The following OSBP2 variants were observed in gnomAD, a reference collection of about 807,000 sequenced individuals.
OSBP2 encodes the protein oxysterol-binding protein 2.
In OSBP2, 66 loss-of-function variants were observed where a neutral mutation model predicts 96.0. The observed-to-expected ratio is 0.69, with a 90% CI of 0.56 to 0.84. OSBP2 has a LOEUF of 0.84. Ranked by LOEUF, OSBP2 falls within the 40% of genes least tolerant of loss-of-function variation. OSBP2 has a pLI of 0.00. For synonymous variants in OSBP2, 525 were observed against 520.9 expected, an observed-to-expected ratio of 1.01 and a Z score of -0.11; for missense variants, 1,038 against 1,222.7, an observed-to-expected ratio of 0.85 and a Z score of 2.25.
intron 2 of OSBP2, among the ~76,000 whole-genome samples, chr22:30,814,535 G>T (rs2146965035): frequency 6.6e-6 from 1 of 151,294 alleles, no homozygotes; most frequent in Non-Finnish European, 1.5e-5. Flanking sequence ...GGGTTCAAGT[G>T]ATTCTGGTGC....
intron 12 of OSBP2, chr22:30,902,557 G>A (rs2040237699): frequency 4.4e-6 from 5 of 1,130,488 alleles, no homozygotes; most frequent in Non-Finnish European, 5.3e-6. Flanking sequence ...CCAGGTGACT[G>A]GGAAACAGGC....
intron 2 of OSBP2, among the ~76,000 whole-genome samples, chr22:30,858,528 C>T (rs2076431795): frequency 6.6e-6 from 1 of 151,950 alleles, no homozygotes; most frequent in Non-Finnish European, 1.5e-5. Context: ...CTTCCTAACC[C>T]CACAGCACCC....
At chr22:30,755,952 A>G (rs920508762) in intron 2 of OSBP2, among the ~76,000 whole-genome samples, 2 of 152,140 alleles carry the variant, frequency 1.3e-5, no homozygotes, top group African/African-American at 4.8e-5. Flanking sequence ...CCTGGTCGGC[A>G]TGCTCTTGCA....
At chr22:30,777,696 C>T (rs1381097373) in intron 2 of OSBP2, among the ~76,000 whole-genome samples, 1 of 152,184 alleles carries the variant, frequency 6.6e-6, no homozygotes, top group Non-Finnish European at 1.5e-5. Context: ...TGCCATAGTG[C>T]CCACAGTGAC....
chr22:30,867,410 GCCAACCCCGGGAGGAAC>G (rs1312544566), intron 2 of OSBP2, among the ~76,000 whole-genome samples: 1 of 151,982 alleles, frequency 6.6e-6, no homozygotes, highest in Non-Finnish European at 1.5e-5. Flanking sequence ...ATGTGTGATC[GCCAACCCCGGGAGGAAC>G]CCATGGGCCT....
intron 2 of OSBP2, among the ~76,000 whole-genome samples, chr22:30,756,383 ATG>A (rs1279472613): frequency 7.9e-5 from 12 of 152,166 alleles, no homozygotes. Flanking sequence ...CACAAAGTGT[ATG>A]TAATGATAAA....
intron 2 of OSBP2, among the ~76,000 whole-genome samples, chr22:30,842,333 A>C (rs1030671474): frequency 6.6e-6 from 1 of 151,844 alleles, no homozygotes; most frequent in Non-Finnish European, 1.5e-5. Context: ...ATTACTAACA[A>C]CTTAACAATC....
Position 30,870,360 on chromosome 22 carries a change from C to T in OSBP2, c.854-69C>T, listed in dbSNP as rs2039432142. ...CGCTATCCACCCTGCCCTGCTCGGCCTGGCTGTGCAGGCCTCTTGGTACCA... is the reference window on the plus strand; with the variant it reads ...CGCTATCCACCCTGCCCTGCTCGGCTTGGCTGTGCAGGCCTCTTGGTACCA... On this transcript the variant is annotated intron_variant, in intron 2 of 13. Coordinates refer to ENST00000332585, the MANE Select transcript of OSBP2 (RefSeq NM_030758.4). This position sits in a 1 kb window ranked among gnomAD's most constrained non-coding sequence, Gnocchi z 4.1. 6.5e-7 allele frequency: 1 copy of T among 1,539,578 alleles called. No homozygotes were observed.
chr22:30,861,032 G>A (rs932861894), intron 2 of OSBP2, among the ~76,000 whole-genome samples: 40 of 152,124 alleles, frequency 2.6e-4, no homozygotes, highest in Admixed American at 2.2e-3. Flanking sequence ...TTCACCCCTC[G>A]TTTTGGTTCA....
intron 2 of OSBP2, among the ~76,000 whole-genome samples, chr22:30,781,882 C>G (rs866340317): frequency 1.3e-5 from 2 of 152,238 alleles, no homozygotes; most frequent in South Asian, 4.1e-4. Context: ...CACAGTGGCT[C>G]ATGCCCATAA....
intron 2 of OSBP2, among the ~76,000 whole-genome samples, chr22:30,833,599 A>G (rs1361162573): frequency 6.6e-6 from 1 of 152,200 alleles, no homozygotes; most frequent in East Asian, 1.9e-4. Context: ...AGCCATAGTA[A>G]ATGGACTCAA....
At chr22:30,743,144 C>A (rs2089961352) in intron 2 of OSBP2, among the ~76,000 whole-genome samples, 1 of 152,210 alleles carries the variant, frequency 6.6e-6, no homozygotes, top group Non-Finnish European at 1.5e-5. Context: ...GGCACAGCCC[C>A]TGCTCTCCCA....
intron 2 of OSBP2, among the ~76,000 whole-genome samples, chr22:30,838,833 G>GT (rs199997856): frequency 0.018 from 2,759 of 149,318 alleles, 69 homozygotes; most frequent in African/African-American, 0.061. Flanking sequence ...GTTTCGTTTT[G>GT]TTTTTTTTTA....
intron 2 of OSBP2, among the ~76,000 whole-genome samples, chr22:30,772,803 T>A (rs2090367873): frequency 1.3e-5 from 2 of 151,856 alleles, no homozygotes; most frequent in South Asian, 4.2e-4. Flanking sequence ...ATTTTTTTTT[T>A]TTTTTTTGAG....
intron 2 of OSBP2, among the ~76,000 whole-genome samples, chr22:30,762,630 C>A (rs1488124023): frequency 1.3e-5 from 2 of 152,266 alleles, no homozygotes; most frequent in East Asian, 3.8e-4. Context: ...TCTTCACTGG[C>A]ACACCATCTT....
At chr22:30,825,459 G>A (rs1333274530) in intron 2 of OSBP2, among the ~76,000 whole-genome samples, 1 of 152,176 alleles carries the variant, frequency 6.6e-6, no homozygotes, top group African/African-American at 2.4e-5. Flanking sequence ...ATGCATCTGT[G>A]CCTACCAGTC....
At chr22:30,749,754 T>C (rs987971798) in intron 2 of OSBP2, among the ~76,000 whole-genome samples, 1 of 152,160 alleles carries the variant, frequency 6.6e-6, no homozygotes, top group African/African-American at 2.4e-5. Flanking sequence ...ATTACAGGCA[T>C]GCGCCACCAT....
At chr22:30,784,474 G>A (rs1367582630) in intron 2 of OSBP2, among the ~76,000 whole-genome samples, 1 of 152,014 alleles carries the variant, frequency 6.6e-6, no homozygotes, top group Non-Finnish European at 1.5e-5. Context: ...GCCCAGGCTG[G>A]TCTCAAAGTC....
intron 2 of OSBP2, among the ~76,000 whole-genome samples, chr22:30,786,815 G>A (rs1383779033): frequency 1.3e-5 from 2 of 152,004 alleles, no homozygotes; most frequent in Non-Finnish European, 2.9e-5. Flanking sequence ...GTTTTGTTTT[G>A]TTTTGTACAG....
Sources: allele counts gnomAD v4.1 joint callset (sites outside exome capture counted in the v4.1 genomes callset), GRCh38; gene constraint gnomAD v4.1.1; non-coding constraint Gnocchi (gnomAD v3.1); transcripts MANE v1.5; gene names NCBI Gene and HGNC (gene_info 2026-07-23, HGNC 2026-07-21).